The following FNDC3B variants were observed in gnomAD, a reference collection of about 807,000 sequenced individuals.
The protein encoded by FNDC3B is fibronectin type III domain-containing protein 3B.
Under a neutral mutation model 151.5 loss-of-function variants are expected in FNDC3B, and 12 were observed. That is an observed-to-expected ratio of 0.08 (90% confidence interval 0.05 to 0.13). The LOEUF is 0.13. Among genes scored for constraint, FNDC3B ranks in the 10% least tolerant of loss-of-function variants. FNDC3B has a pLI of 1.00. For missense variants in FNDC3B, 1,214 were observed against 1,505.3 expected (o/e 0.81, Z 3.20); for synonymous variants, 528 against 549.0 (o/e 0.96, Z 0.54).
chr3:172,354,380 C>T (rs1341717099), intron 22 of FNDC3B, among the ~76,000 whole-genome samples: 1 of 151,362 alleles, frequency 6.6e-6, no homozygotes, highest in African/African-American at 2.4e-5. Context: ...AAATCATAAA[C>T]TAAATATTAG....
At chr3:172,199,369 C>T (rs1003850100) in intron 3 of FNDC3B, among the ~76,000 whole-genome samples, 2 of 150,340 alleles carry the variant, frequency 1.3e-5, no homozygotes, top group Non-Finnish European at 3.0e-5. Flanking sequence ...TTAGTAGAGA[C>T]GGGGTTTCAC....
intron 3 of FNDC3B, among the ~76,000 whole-genome samples, chr3:172,176,649 G>T (rs1453411474): frequency 1.3e-5 from 2 of 152,226 alleles, no homozygotes; most frequent in East Asian, 3.8e-4. Context: ...GTGCTTTGCA[G>T]TTGGAAAGTG....
Position 172,112,486 on chromosome 3 carries a change from G to A in FNDC3B, c.7G>A (p.Val3Ile), listed in dbSNP as rs757646584. Residue 3 changes from valine to isoleucine, a missense_variant, in exon 2 of 26, where the codon GTC becomes ATC. Physicochemically the swap from Val to Ile is conservative, Grantham distance 29. This residue lies in a region of FNDC3B where 113 missense variants were observed against 177.8 expected (regional missense o/e 0.64). Coordinates refer to ENST00000415807, the MANE Select transcript of FNDC3B (RefSeq NM_022763.4). MY[V>I]TMMMTDQIPL... ...TGAGGGAAGTTCTCCATGAATGTAC[G>A]TCACAATGATGATGACCGACCAAAT... is the stretch of plus-strand genomic sequence containing the variant. 18 of 1,613,116 alleles carry A rather than the reference G, an allele frequency of 1.1e-5. No individual in the cohort carries two copies. In the Admixed American group the frequency reaches 2.3e-4, roughly 21 times the overall value.
Position 172,344,045 on chromosome 3 carries a change from G to A in FNDC3B, c.2078-41G>A, listed in dbSNP as rs1046324229. 27 of 1,563,726 alleles carry A rather than the reference G, an allele frequency of 1.7e-5. No homozygotes were observed. The African/African-American group carries it at 3.7e-4, about 21-fold the overall frequency. Reference sequence around the variant, plus strand: ...TCTGGTGCACTTTGGTCAACTGGAAGCACAAAGTGTTCTAAGATGAAAAAA... The same window carrying A: ...TCTGGTGCACTTTGGTCAACTGGAAACACAAAGTGTTCTAAGATGAAAAAA... On this transcript the variant is annotated intron_variant, in intron 18 of 25. Coordinates refer to ENST00000415807, the MANE Select transcript of FNDC3B (RefSeq NM_022763.4).
intron 6 of FNDC3B, among the ~76,000 whole-genome samples, chr3:172,257,396 T>C (rs1304446563): frequency 6.6e-6 from 1 of 152,184 alleles, no homozygotes; most frequent in African/African-American, 2.4e-5. Flanking sequence ...ACATAGAACA[T>C]GTCATTTCAC....
chr3:172,174,249 AATGAT>A (rs1350284638), intron 3 of FNDC3B, among the ~76,000 whole-genome samples: 3 of 152,204 alleles, frequency 2.0e-5, no homozygotes, highest in African/African-American at 7.2e-5. Context: ...GACAGGTCTA[AATGAT>A]TAAGTTTCCA....
chr3:172,331,743 T>C (rs941428073), intron 13 of FNDC3B, among the ~76,000 whole-genome samples: 1 of 152,164 alleles, frequency 6.6e-6, no homozygotes, highest in African/African-American at 2.4e-5. Flanking sequence ...AGAATGCCCT[T>C]CCAGATGTCT....
chr3:172,290,933 C>T (rs1018179447), intron 7 of FNDC3B, among the ~76,000 whole-genome samples: 1 of 152,058 alleles, frequency 6.6e-6, no homozygotes, highest in Non-Finnish European at 1.5e-5. Context: ...AGTAGGCCTC[C>T]CACATAGTTC....
chr3:172,122,756 TG>T (rs1372276627), intron 2 of FNDC3B, among the ~76,000 whole-genome samples: 5 of 152,226 alleles, frequency 3.3e-5, no homozygotes, highest in African/African-American at 1.2e-4. Context: ...GACAAGCATT[TG>T]AATAAAATGG....
intron 13 of FNDC3B, among the ~76,000 whole-genome samples, chr3:172,331,646 C>T (rs1321291658): frequency 6.6e-6 from 1 of 152,116 alleles, no homozygotes; most frequent in African/African-American, 2.4e-5. Context: ...AGGTGTGAGC[C>T]ACCGCACCCA....
At chr3:172,103,909 A>G (rs1172817361) in intron 1 of FNDC3B, among the ~76,000 whole-genome samples, 2 of 152,188 alleles carry the variant, frequency 1.3e-5, no homozygotes, top group African/African-American at 4.8e-5. Context: ...TCATGTCTCA[A>G]GAGGTTTTTC....
intron 1 of FNDC3B, among the ~76,000 whole-genome samples, chr3:172,042,079 T>TAA (rs77399297): frequency 7.2e-5 from 11 of 152,056 alleles, no homozygotes; most frequent in Middle Eastern, 3.4e-3. Context: ...TACTTTAAGA[T>TAA]AAAAAAAATT....
intron 3 of FNDC3B, among the ~76,000 whole-genome samples, chr3:172,179,069 T>C (rs1239430422): frequency 6.6e-6 from 1 of 152,192 alleles, no homozygotes; most frequent in East Asian, 1.9e-4. Flanking sequence ...ATTTATTTGT[T>C]CATTTATTTA....
intron 11 of FNDC3B, among the ~76,000 whole-genome samples, chr3:172,311,883 GAAAA>G (rs56937613): frequency 0.081 from 9,151 of 112,954 alleles, 983 homozygotes; most frequent in African/African-American, 0.25. Flanking sequence ...GTCTCAAAAA[GAAAA>G]AAAAAAAAAA....
Position 172,165,966 on chromosome 3 carries a change from C to T in FNDC3B, c.187+32420C>T, listed in dbSNP as rs542307213. On this transcript the variant is annotated intron_variant, in intron 3 of 25. Transcript: ENST00000415807. ...ATTTTGTTCTTTTAACAAATGGTTG[C>T]TTTTATTCTTTTGAGAATATTTGTT... 2.6e-5 allele frequency among the ~76,000 whole-genome samples: 4 copies of T among 151,830 alleles called. No individual in the cohort carries two copies. The East Asian group carries it at 7.7e-4, about 29-fold the overall frequency.
chr3:172,048,084 A>G (rs1351608591), intron 1 of FNDC3B, among the ~76,000 whole-genome samples: 2 of 152,290 alleles, frequency 1.3e-5, no homozygotes, highest in African/African-American at 2.4e-5. Flanking sequence ...CTTGCCAGTA[A>G]TAAGAGTAAG....
At chr3:172,083,465 T>A (rs9851782) in intron 1 of FNDC3B, among the ~76,000 whole-genome samples, 8,914 of 152,246 alleles carry the variant, frequency 0.059, 893 homozygotes, top group African/African-American at 0.2. Flanking sequence ...ACCTCATCTG[T>A]CTGTTCACAT....
At chr3:172,285,589 C>T (rs1335861043) in intron 6 of FNDC3B, among the ~76,000 whole-genome samples, 5 of 152,196 alleles carry the variant, frequency 3.3e-5, no homozygotes, top group South Asian at 2.1e-4. Flanking sequence ...CTCTCAGTTT[C>T]CAGGTACATT....
intron 3 of FNDC3B, among the ~76,000 whole-genome samples, chr3:172,173,645 A>AC (rs1723392985): frequency 6.6e-6 from 1 of 151,344 alleles, no homozygotes; most frequent in African/African-American, 2.4e-5. Flanking sequence ...AAAAAAAAAA[A>AC]ATTAAAAAAA....
Sources: gnomAD v4.1 joint callset for allele counts (sites outside exome capture counted in the v4.1 genomes callset) on GRCh38, gnomAD v4.1.1 for gene constraint, gnomAD v4.1.1 regional missense constraint, MANE v1.5 for transcripts, NCBI Gene and HGNC (gene_info 2026-07-23, HGNC 2026-07-21) for gene names.